LRRC7: variants seen among roughly 807,000 people sequenced by gnomAD.
The protein encoded by LRRC7 is leucine rich repeat containing 7.
A neutral mutation model predicts 175.7 loss-of-function variants in LRRC7; 23 were observed. That is an observed-to-expected ratio of 0.13 (90% confidence interval 0.09 to 0.19). The LOEUF (loss-of-function observed/expected upper bound fraction) is 0.19. Ranked by LOEUF, LRRC7 falls within the 10% of genes least tolerant of loss-of-function variation. The probability of loss-of-function intolerance (pLI) is 1.00; values close to 1 mark genes in which losing one functional copy is unlikely to be tolerated. For missense variants in LRRC7, 1,354 were observed against 1,904.7 expected (o/e 0.71, Z 5.38); for synonymous variants, 685 against 680.9 (o/e 1.01, Z -0.09).
intron 4 of LRRC7, among the ~76,000 whole-genome samples, chr1:69,815,093 C>T (rs1457518444): frequency 6.6e-6 from 1 of 152,100 alleles, no homozygotes; most frequent in Admixed American, 6.6e-5. Flanking sequence ...TGAACTGATG[C>T]AATCTAGACT....
Position 69,732,150 on chromosome 1 carries a change from A to G in LRRC7, c.101-28041A>G, listed in dbSNP as rs80224627. 7.9e-3 allele frequency among the ~76,000 whole-genome samples: 1,199 copies of G among 151,864 alleles called. 15 individuals are homozygous for G. Among genetic ancestry groups the G allele is most frequent in the African/African-American group, 0.028 (1,156 of 41,526 alleles). ...CAAAAGTAATTCCAATTTAGTAGTA[A>G]TAATAATTAGCTAGTTTTTAAAATA... On this transcript the variant is annotated intron_variant, in intron 2 of 26. Transcript: ENST00000651989.
At chr1:69,751,524 T>C (rs1405604474) in intron 2 of LRRC7, among the ~76,000 whole-genome samples, 1 of 151,870 alleles carries the variant, frequency 6.6e-6, no homozygotes, top group Non-Finnish European at 1.5e-5. Context: ...ATTAAGAGAA[T>C]TAAAGTATAA....
intron 4 of LRRC7, among the ~76,000 whole-genome samples, chr1:69,798,035 C>A (rs1676004812): frequency 6.6e-6 from 1 of 152,102 alleles, no homozygotes; most frequent in East Asian, 1.9e-4. Context: ...GATTCTCCTG[C>A]CTCAGCCTCC....
intron 7 of LRRC7, among the ~76,000 whole-genome samples, chr1:69,924,371 T>G (rs1236098492): frequency 6.6e-6 from 1 of 152,212 alleles, no homozygotes; most frequent in African/African-American, 2.4e-5. Flanking sequence ...GGGATGGCAT[T>G]GAATCTATAA....
Position 70,135,279 on chromosome 1 carries a change from T to A in LRRC7, c.*13392T>A, listed in dbSNP as rs1006475933. On this transcript the variant is annotated 3_prime_UTR_variant, in exon 27 of 27. Coordinates refer to ENST00000651989, the MANE Select transcript of LRRC7 (RefSeq NM_001370785.2). The stretch of plus-strand genomic sequence containing the variant: ...CTAGCATAGTTCCCCAGGAGCAGGC[T>A]ATGATCATCTCCTCAAAGCACGGGG... 1.3e-5 allele frequency among the ~76,000 whole-genome samples: 2 copies of A among 152,210 alleles called. No homozygotes were observed. The highest frequency in any genetic ancestry group is 4.8e-5 in the African/African-American group (2 of 41,456).
intron 7 of LRRC7, among the ~76,000 whole-genome samples, chr1:69,907,939 G>T (rs1192153482): frequency 8.5e-5 from 13 of 152,204 alleles, no homozygotes; most frequent in East Asian, 7.7e-4. Flanking sequence ...CAATTTCAGA[G>T]GCTGTTATTG....
chr1:69,926,792 A>G (rs550290565), intron 7 of LRRC7, among the ~76,000 whole-genome samples: 1 of 152,252 alleles, frequency 6.6e-6, no homozygotes, highest in Non-Finnish European at 1.5e-5. Context: ...TAATTGGAGC[A>G]TTTAGCCCAT....
chr1:69,703,362 T>C (rs551132749), intron 2 of LRRC7, among the ~76,000 whole-genome samples: 5 of 152,164 alleles, frequency 3.3e-5, no homozygotes, highest in South Asian at 2.1e-4. Context: ...AGTAATACTA[T>C]AGTTTTACAT....
intron 2 of LRRC7, among the ~76,000 whole-genome samples, chr1:69,728,779 G>A (rs190037800): frequency 7.9e-5 from 12 of 152,264 alleles, no homozygotes; most frequent in Non-Finnish European, 1.5e-4. Flanking sequence ...TTGCAGCTGA[G>A]CCTAAAGGAA....
intron 1 of LRRC7, among the ~76,000 whole-genome samples, chr1:69,604,698 AT>A (rs11306566): frequency 0.15 from 23,000 of 150,276 alleles, 1,919 homozygotes; most frequent in Admixed American, 0.19. Flanking sequence ...TAAATATACC[AT>A]TTTTTTTTCA....
chr1:69,607,263 A>G (rs2101016510), intron 1 of LRRC7: 1 of 152,146 alleles, frequency 6.6e-6, no homozygotes. Context: ...AGGCAAGTAA[A>G]AGTCATTTTA....
At position 69,838,785 on chromosome 1, in the gene LRRC7, CTA is replaced by C. The variant is rs1681404226; in HGVS notation, c.647+504_647+505del. On this transcript the variant is annotated intron_variant, in intron 7 of 26. Transcript: ENST00000651989. ...TTGCAAATTGTTCATTTTTACTAGT[CTA>C]TTTAAAATTTGGCTTACATAAAAAT... Among the ~76,000 whole-genome samples, 3 of 151,706 alleles carry C rather than the reference CTA, an allele frequency of 2.0e-5. No homozygotes were observed. The South Asian group carries it at 6.2e-4, about 31-fold the overall frequency.
intron 11 of LRRC7, among the ~76,000 whole-genome samples, chr1:70,007,419 T>C (rs548573932): frequency 7.2e-4 from 110 of 152,300 alleles, no homozygotes; most frequent in Middle Eastern, 3.4e-3. Flanking sequence ...ACATTATGAT[T>C]GTTCTTAGAA....
chr1:69,934,503 GGC>G (rs1451289563), intron 8 of LRRC7, among the ~76,000 whole-genome samples: 1 of 56,472 alleles, frequency 1.8e-5, no homozygotes, highest in East Asian at 1.3e-3. Context: ...GCGGGGGGGG[GGC>G]GGGGGGTGGG....
At chr1:69,988,139 A>G (rs1015099739) in intron 10 of LRRC7, among the ~76,000 whole-genome samples, 1 of 152,236 alleles carries the variant, frequency 6.6e-6, no homozygotes, top group Non-Finnish European at 1.5e-5. Context: ...ATCCCATACC[A>G]TTTTAAATAT....
intron 1 of LRRC7, among the ~76,000 whole-genome samples, chr1:69,601,155 A>T (rs1047178889): frequency 1.3e-5 from 2 of 152,168 alleles, no homozygotes; most frequent in East Asian, 1.9e-4. Flanking sequence ...AAAAACCAAG[A>T]TCAGGACACT....
At chr1:70,020,920 T>C in intron 15 of LRRC7, 85 bp from the exon 16 acceptor site, 1 of 1,075,942 alleles carries the variant, frequency 9.3e-7, no homozygotes, top group Non-Finnish European at 1.3e-6. Context: ...TTGTAGTATC[T>C]ATCACCATTT....
intron 26 of LRRC7, among the ~76,000 whole-genome samples, chr1:70,114,891 CTCTA>C (rs1422830396): frequency 6.6e-6 from 1 of 152,174 alleles, no homozygotes; most frequent in African/African-American, 2.4e-5. Flanking sequence ...TTTAAGGTGA[CTCTA>C]TCCTTCATAG....
chr1:69,712,632 A>G (rs1037203145), intron 2 of LRRC7, among the ~76,000 whole-genome samples: 1 of 152,136 alleles, frequency 6.6e-6, no homozygotes, highest in Non-Finnish European at 1.5e-5. Context: ...ACAACAAAAA[A>G]AGAACCATTA....
Sources: gnomAD v4.1 joint callset for allele counts (sites outside exome capture counted in the v4.1 genomes callset) on GRCh38, gnomAD v4.1.1 for gene constraint, MANE v1.5 for transcripts, NCBI Gene and HGNC (gene_info 2026-07-23, HGNC 2026-07-21) for gene names.